The following CYTH3 variants were observed in gnomAD, a reference collection of about 807,000 sequenced individuals.
The protein encoded by CYTH3 is cytohesin-3.
Under a neutral mutation model 55.1 loss-of-function variants are expected in CYTH3, and 23 were observed. The observed-to-expected ratio is 0.42, with a 90% CI of 0.30 to 0.59. The LOEUF is 0.59. Among genes scored for constraint, CYTH3 ranks in the 20% least tolerant of loss-of-function variants. The pLI is 0.20. For synonymous variants in CYTH3, 249 were observed against 194.9 expected (o/e 1.28, Z -2.31); for missense variants, 413 against 524.8 (o/e 0.79, Z 2.08).
intron 1 of CYTH3, among the ~76,000 whole-genome samples, chr7:6,250,279 A>G (rs1779929147): frequency 6.6e-6 from 1 of 152,238 alleles, no homozygotes; most frequent in African/African-American, 2.4e-5. Context: ...ATTATCAACT[A>G]AAGGATTTCA....
chr7:6,210,016 T>TATG (rs1288220369), intron 1 of CYTH3, among the ~76,000 whole-genome samples: 7 of 152,130 alleles, frequency 4.6e-5, no homozygotes. Flanking sequence ...AACTCTTCTG[T>TATG]ATGATACGGT....
At chr7:6,249,967 CATCTTACAAA>C (rs1278654074) in intron 1 of CYTH3, among the ~76,000 whole-genome samples, 1 of 152,186 alleles carries the variant, frequency 6.6e-6, no homozygotes, top group African/African-American at 2.4e-5. Context: ...AGAATTTATT[CATCTTACAAA>C]TGCAAGACTG....
At chr7:6,249,477 G>A (rs17188097) in intron 1 of CYTH3, among the ~76,000 whole-genome samples, 2,249 of 152,260 alleles carry the variant, frequency 0.015, 24 homozygotes, top group Admixed American at 0.053. Context: ...CAGTGGCTTC[G>A]GAGGGCCTTT....
At position 6,259,838 on chromosome 7, in the gene CYTH3, T is replaced by A. The variant is rs1414046896; in HGVS notation, c.34+12636A>T. Among the ~76,000 whole-genome samples, 77 of 84,928 alleles carry A rather than the reference T, an allele frequency of 9.1e-4. 7 individuals carry two copies. Among genetic ancestry groups the A allele is most frequent in the African/African-American group, 4.7e-3 (73 of 15,630 alleles). The allele number at this position is 84,928 out of a possible 152,430, so 55.7% of individuals were successfully genotyped here. A position where few individuals can be genotyped will look rare whatever the true frequency, so the allele number is the denominator to read the frequency against. On this transcript the variant is annotated intron_variant, in intron 1 of 12. Transcript: ENST00000350796. ...AATATATATATATATATATATTTTT[T>A]TTTTTTTTTAAGACGGATTTTCGCT...
intron 1 of CYTH3, among the ~76,000 whole-genome samples, chr7:6,263,697 TTAAG>T (rs1250788646): frequency 6.6e-6 from 1 of 151,586 alleles, no homozygotes; most frequent in East Asian, 1.9e-4. Context: ...ACTCAAGTGG[TTAAG>T]GCAGAAGAAT....
At chr7:6,188,205 T>C (rs1783704937) in intron 2 of CYTH3, among the ~76,000 whole-genome samples, 1 of 152,010 alleles carries the variant, frequency 6.6e-6, no homozygotes, top group Admixed American at 6.6e-5. Flanking sequence ...TGGTGGTACA[T>C]GCCTGTAGTC....
At chr7:6,227,777 T>C (rs1438095104) in intron 1 of CYTH3, among the ~76,000 whole-genome samples, 2 of 152,246 alleles carry the variant, frequency 1.3e-5, no homozygotes, top group African/African-American at 2.4e-5. Context: ...GCCAATACGA[T>C]ATCTCATAAA....
rs77521462 is a variant in CYTH3 at position 6,223,910 on chromosome 7, A to C, written c.35-33379T>G. On this transcript the variant is annotated intron_variant, in intron 1 of 12. Coordinates refer to ENST00000350796, the MANE Select transcript of CYTH3 (RefSeq NM_004227.4). ...GCCCAGATTAATTCTCCAGAATTGC[A>C]AGACAGATCATGTACACAACTACAG... is the stretch of plus-strand genomic sequence containing the variant. 7.4e-4 allele frequency among the ~76,000 whole-genome samples: 112 copies of C among 151,978 alleles called. No individual in the cohort carries two copies. The East Asian group carries it at 0.019, about 26-fold the overall frequency.
At chr7:6,242,278 G>T (rs942989310) in intron 1 of CYTH3, among the ~76,000 whole-genome samples, 2 of 150,542 alleles carry the variant, frequency 1.3e-5, no homozygotes, top group Non-Finnish European at 3.0e-5. Context: ...GGGTTTCACC[G>T]CGTTGGCCAG....
intron 1 of CYTH3, among the ~76,000 whole-genome samples, chr7:6,201,571 G>A (rs1424638493): frequency 6.6e-6 from 1 of 152,194 alleles, no homozygotes; most frequent in African/African-American, 2.4e-5. Flanking sequence ...AAGGGATCCA[G>A]TACAGGAGGT....
At position 6,259,952 on chromosome 7, in the gene CYTH3, T is replaced by A. The variant is rs552036240; in HGVS notation, c.34+12522A>T. ...TTCAAGTGATTCTCCTGCCTCAGCC[T>A]CCTAAGTAGCTGGGATTGCAGGCAT... On this transcript the variant is annotated intron_variant, in intron 1 of 12. Transcript: ENST00000350796. Among the ~76,000 whole-genome samples the A allele has an allele frequency of 8.2e-5, 12 of 145,844 alleles. 1 individual carries two copies. The highest frequency in any genetic ancestry group is 2.9e-4 in the African/African-American group (11 of 38,250).
At position 6,171,708 on chromosome 7, in the gene CYTH3, A is replaced by G. The variant is rs1007443671; in HGVS notation, c.450-394T>C. 1.6e-5 allele frequency: 4 copies of G among 248,926 alleles called. No individual in the cohort carries two copies. The highest frequency in any genetic ancestry group is 5.1e-5 in the South Asian group (1 of 19,726). 15.4% of individuals were successfully genotyped at this position (248,926 alleles called of 1,614,324 possible). A position where few individuals can be genotyped will look rare whatever the true frequency, so the allele number is the denominator to read the frequency against. On this transcript the variant is annotated intron_variant, in intron 6 of 12. Coordinates refer to ENST00000350796, the MANE Select transcript of CYTH3 (RefSeq NM_004227.4). This position sits in a 1 kb window ranked among gnomAD's most constrained non-coding sequence, Gnocchi z 6.7. ...GGTCCTCCTTTCAGAACTCCCACAC[A>G]TAAGGCAGAGCCATAGCCCACAGGA...
intron 1 of CYTH3, among the ~76,000 whole-genome samples, chr7:6,205,520 G>A (rs1784164025): frequency 6.7e-6 from 1 of 150,130 alleles, no homozygotes; most frequent in African/African-American, 2.5e-5. Flanking sequence ...GTCGCACTGA[G>A]CCGAGATCTC....
chr7:6,270,374 A>G (rs10262810), intron 1 of CYTH3, among the ~76,000 whole-genome samples: 23,093 of 152,246 alleles, frequency 0.15, 5,317 homozygotes, highest in African/African-American at 0.5. Context: ...CATGCTGGCT[A>G]GCATTTTGAT....
chr7:6,259,799 A>AATATATATATAATATATATATATATAT (rs1780281784), intron 1 of CYTH3, among the ~76,000 whole-genome samples: 4 of 25,000 alleles, frequency 1.6e-4, no homozygotes, highest in South Asian at 1.2e-3. Context: ...ATATATATAT[A>AATATATATATAATATATATATATATAT]TATATATATA....
At chr7:6,221,456 G>C (rs1784549945) in intron 1 of CYTH3, among the ~76,000 whole-genome samples, 2 of 152,216 alleles carry the variant, frequency 1.3e-5, no homozygotes, top group South Asian at 4.1e-4. Flanking sequence ...GAGGGAGCCT[G>C]ATAACTTTGT....
intron 1 of CYTH3, among the ~76,000 whole-genome samples, chr7:6,234,853 A>G (rs1334578177): frequency 6.6e-6 from 1 of 152,208 alleles, no homozygotes; most frequent in African/African-American, 2.4e-5. Context: ...AGAGAGCTTG[A>G]GTAATTTGTT....
chr7:6,253,293 C>T (rs1377271948), intron 1 of CYTH3, among the ~76,000 whole-genome samples: 1 of 151,086 alleles, frequency 6.6e-6, no homozygotes, highest in Non-Finnish European at 1.5e-5. Context: ...CCTTGGCTCA[C>T]TGCAACCTCT....
At chr7:6,224,435 T>C (rs899734485) in intron 1 of CYTH3, among the ~76,000 whole-genome samples, 1 of 151,754 alleles carries the variant, frequency 6.6e-6, no homozygotes, top group African/African-American at 2.4e-5. Context: ...CAACTGGACA[T>C]CCGCATGCAA....
Sources: gnomAD v4.1 joint callset for allele counts (sites outside exome capture counted in the v4.1 genomes callset) on GRCh38, gnomAD v4.1.1 for gene constraint, Gnocchi (gnomAD v3.1) non-coding constraint, MANE v1.5 for transcripts, NCBI Gene and HGNC (gene_info 2026-07-23, HGNC 2026-07-21) for gene names.